IL1RAPL1: variants seen among roughly 807,000 people sequenced by gnomAD.
IL1RAPL1 encodes the protein interleukin 1 receptor accessory protein like 1, also known as interleukin-1 receptor accessory protein-like 1.
Under a neutral mutation model 48.4 loss-of-function variants are expected in IL1RAPL1, and 3 were observed. That is an observed-to-expected ratio of 0.06 (90% CI 0.03 to 0.16). The LOEUF (loss-of-function observed/expected upper bound fraction) is 0.16, where lower values mean the gene tolerates loss of function less well. IL1RAPL1 is among the 10% of genes least tolerant of loss of function. IL1RAPL1 has a pLI of 1.00. For missense variants in IL1RAPL1, 349 were observed against 530.6 expected, an observed-to-expected ratio of 0.66 and a Z score of 3.36; for synonymous variants, 185 against 187.7, an observed-to-expected ratio of 0.99 and a Z score of 0.12.
chrX:29,404,937 G>A (rs771995124), intron 5 of IL1RAPL1, among the ~76,000 whole-genome samples: 5 of 111,100 alleles, frequency 4.5e-5, no homozygotes, highest in Admixed American at 1.9e-4. Context: ...GTTTTGAGAC[G>A]GAGTCTTGCT....
intron 3 of IL1RAPL1, among the ~76,000 whole-genome samples, chrX:29,283,816 G>T (rs1313462492): frequency 9.1e-6 from 1 of 109,371 alleles, no homozygotes; most frequent in African/African-American, 3.3e-5. Context: ...TATCCCCAAG[G>T]ATACCCACCA....
intron 6 of IL1RAPL1, among the ~76,000 whole-genome samples, chrX:29,678,342 CTTTTTTTTTTTTTTTTT>C (rs140827802): frequency 2.4e-5 from 1 of 41,724 alleles, no homozygotes. Context: ...TTCAACACTA[CTTTTTTTTTTTTTTTTT>C]TTTTTTTTTT....
At position 29,702,029 on chromosome X, in the gene IL1RAPL1, C is replaced by T. The variant is rs185276200; in HGVS notation, c.778+33525C>T. 3.0e-3 allele frequency among the ~76,000 whole-genome samples: 330 copies of T among 111,062 alleles called. 3 individuals carry two copies. The highest frequency in any genetic ancestry group is 4.4e-3 in the Non-Finnish European group (235 of 52,909). ...CAGCACTTTGGGAGGCCGAGGTAGG[C>T]GGATCACCTGTGGTCAGGAGTTCGA... On this transcript the variant is annotated intron_variant, in intron 6 of 10. Coordinates refer to ENST00000378993, the MANE Select transcript of IL1RAPL1 (RefSeq NM_014271.4).
intron 5 of IL1RAPL1, among the ~76,000 whole-genome samples, chrX:29,537,881 C>T (rs780792242): frequency 9.0e-6 from 1 of 111,286 alleles, no homozygotes; most frequent in East Asian, 2.8e-4. Flanking sequence ...GTAGCAAAAC[C>T]GATTTCTTAA....
chrX:29,396,513 G>C, intron 4 of IL1RAPL1, 69 bp downstream of exon 4: 1 of 991,535 alleles, frequency 1.0e-6, no homozygotes, highest in Non-Finnish European at 1.4e-6. Context: ...GGACAAATTG[G>C]ATAGAAAACT....
Position 29,443,231 on chromosome X carries a change from G to GCTCTCT in IL1RAPL1, c.703+43946_703+43951dup, listed in dbSNP as rs376805298. 6.8e-3 allele frequency among the ~76,000 whole-genome samples: 638 copies of GCTCTCT among 93,901 alleles called. 6 individuals are homozygous for GCTCTCT. The highest frequency in any genetic ancestry group is 0.018 in the African/African-American group (447 of 25,491). 81.5% of individuals were successfully genotyped at this position (93,901 alleles called of 115,157 possible). On this transcript the variant is annotated intron_variant, in intron 5 of 10. Coordinates refer to ENST00000378993, the MANE Select transcript of IL1RAPL1 (RefSeq NM_014271.4). ...GGAACTGAAGTGTGTGCTCTCGCTTGCTCTCTCTCTCTCTCTCTCTCTCTC... is the reference window on the plus strand; with the variant it reads ...GGAACTGAAGTGTGTGCTCTCGCTTGCTCTCTCTCTCTCTCTCTCTCTCTCTCTCTC...
chrX:29,136,427 G>A (rs770401265), intron 2 of IL1RAPL1, among the ~76,000 whole-genome samples: 3 of 111,744 alleles, frequency 2.7e-5, no homozygotes, highest in Non-Finnish European at 5.6e-5. Context: ...ACTCCCGGCT[G>A]CATTTGAACT....
intron 2 of IL1RAPL1, among the ~76,000 whole-genome samples, chrX:28,892,526 G>T (rs1312860348): frequency 1.8e-5 from 2 of 111,458 alleles, no homozygotes; most frequent in South Asian, 3.8e-4. Context: ...ATGTATATGT[G>T]TAGGTCACAG....
chrX:28,614,688 T>G (rs1934191745), intron 1 of IL1RAPL1, among the ~76,000 whole-genome samples: 1 of 111,204 alleles, frequency 9.0e-6, no homozygotes, highest in African/African-American at 3.3e-5. Context: ...TTTAATAAAT[T>G]ACTAATACTA....
chrX:28,972,730 C>G (rs921114169), intron 2 of IL1RAPL1, among the ~76,000 whole-genome samples: 3 of 111,219 alleles, frequency 2.7e-5, no homozygotes, highest in African/African-American at 9.8e-5. Flanking sequence ...CAGAGCAAGA[C>G]TCTGTCTCAA....
intron 1 of IL1RAPL1, among the ~76,000 whole-genome samples, chrX:28,640,723 T>A (rs1934527521): frequency 9.7e-6 from 1 of 102,780 alleles, no homozygotes; most frequent in Non-Finnish European, 2.0e-5. Context: ...CTCAGGAAAT[T>A]AAAAAAAAAA....
chrX:29,374,549 G>A (rs1489891824), intron 3 of IL1RAPL1, among the ~76,000 whole-genome samples: 2 of 109,689 alleles, frequency 1.8e-5, no homozygotes, highest in Non-Finnish European at 3.8e-5. Flanking sequence ...GCAGGACCTC[G>A]TTCACAAAGA....
intron 1 of IL1RAPL1, among the ~76,000 whole-genome samples, chrX:28,717,451 C>A (rs915534597): frequency 9.0e-6 from 1 of 110,921 alleles, no homozygotes; most frequent in African/African-American, 3.3e-5. Context: ...ATGTTGAGAA[C>A]CCATAAGACA....
At chrX:29,719,382 C>T (rs1038530545) in intron 6 of IL1RAPL1, among the ~76,000 whole-genome samples, 2 of 111,461 alleles carry the variant, frequency 1.8e-5, no homozygotes, top group African/African-American at 3.3e-5. Context: ...ATAATCATAC[C>T]TACCACTACT....
At chrX:29,268,102 A>C (rs1175240818) in intron 2 of IL1RAPL1, among the ~76,000 whole-genome samples, 1 of 111,449 alleles carries the variant, frequency 9.0e-6, no homozygotes, top group Non-Finnish European at 1.9e-5. Context: ...TTATGAGGAC[A>C]GTGATGTACA....
At chrX:29,749,450 C>T (rs982643138) in intron 6 of IL1RAPL1, among the ~76,000 whole-genome samples, 1 of 111,577 alleles carries the variant, frequency 9.0e-6, no homozygotes, top group South Asian at 3.7e-4. Flanking sequence ...ATATAAACTC[C>T]CTTTGAAATG....
intron 1 of IL1RAPL1, among the ~76,000 whole-genome samples, chrX:28,704,540 T>C (rs1340602875): frequency 9.4e-6 from 1 of 106,841 alleles, no homozygotes; most frequent in East Asian, 3.0e-4. Context: ...AACATAAAGG[T>C]CACTTCTCTC....
chrX:29,741,603 G>A (rs1156331466), intron 6 of IL1RAPL1, among the ~76,000 whole-genome samples: 1 of 110,402 alleles, frequency 9.1e-6, no homozygotes, highest in Non-Finnish European at 1.9e-5. Context: ...GGGACAGTCT[G>A]CAGTCATAGA....
chrX:28,701,599 A>G (rs770276887), intron 1 of IL1RAPL1, among the ~76,000 whole-genome samples: 5 of 112,214 alleles, frequency 4.5e-5, no homozygotes, highest in African/African-American at 1.6e-4. Context: ...TCTGATTTCC[A>G]TTTTAGAAAT....
Sources: gnomAD v4.1 joint callset for allele counts (sites outside exome capture counted in the v4.1 genomes callset) on GRCh38, gnomAD v4.1.1 for gene constraint, MANE v1.5 for transcripts, NCBI Gene and HGNC (gene_info 2026-07-23, HGNC 2026-07-21) for gene names.